The following KCNB2 variants were observed in gnomAD, a reference collection of about 807,000 sequenced individuals.
KCNB2 encodes delayed rectifier potassium channel protein.
KCNB2 carries 15 observed loss-of-function variants against 61.5 expected under a neutral mutation model. That is an observed-to-expected ratio of 0.24 (90% CI 0.16 to 0.38). The LOEUF (loss-of-function observed/expected upper bound fraction) is 0.38, where lower values mean the gene tolerates loss of function less well. Among genes scored for constraint, KCNB2 ranks in the 10% least tolerant of loss-of-function variants. The pLI is 1.00. For synonymous variants in KCNB2, 457 were observed against 446.0 expected (o/e 1.02, Z -0.31); for missense variants, 828 against 1,125.2 (o/e 0.74, Z 3.78).
At chr8:72,793,693 T>C (rs1433400577) in intron 2 of KCNB2, among the ~76,000 whole-genome samples, 2 of 152,226 alleles carry the variant, frequency 1.3e-5, no homozygotes, top group Non-Finnish European at 2.9e-5. Context: ...ATCTGAATGT[T>C]TTCTGCTACT....
chr8:72,778,399 G>T (rs1020118174), intron 2 of KCNB2, among the ~76,000 whole-genome samples: 1 of 151,930 alleles, frequency 6.6e-6, no homozygotes, highest in African/African-American at 2.4e-5. Flanking sequence ...TTTATTGGGG[G>T]AATATTAAAA....
chr8:72,660,854 A>G (rs1806368700), intron 2 of KCNB2: 1 of 152,198 alleles, frequency 6.6e-6, no homozygotes. Context: ...AATATAGTTC[A>G]GAAAGGAGCT....
chr8:72,584,734 C>T (rs1321482197), intron 2 of KCNB2, among the ~76,000 whole-genome samples: 4 of 152,052 alleles, frequency 2.6e-5, no homozygotes, highest in Non-Finnish European at 5.9e-5. Context: ...ATGAAAAAGG[C>T]ATGGTCTTAT....
intron 2 of KCNB2, among the ~76,000 whole-genome samples, chr8:72,833,183 GGA>G (rs1054474578): frequency 1.3e-5 from 2 of 152,164 alleles, no homozygotes; most frequent in Non-Finnish European, 2.9e-5. Context: ...ATCTAGAAAA[GGA>G]GAGATCAAGC....
chr8:72,648,948 C>T (rs1376575827), intron 2 of KCNB2, among the ~76,000 whole-genome samples: 1 of 151,884 alleles, frequency 6.6e-6, no homozygotes, highest in African/African-American at 2.4e-5. Flanking sequence ...TTGATATTGT[C>T]CTTTTACATT....
chr8:72,652,596 A>G (rs1388005038), intron 2 of KCNB2, among the ~76,000 whole-genome samples: 2 of 152,120 alleles, frequency 1.3e-5, no homozygotes, highest in Non-Finnish European at 2.9e-5. Flanking sequence ...ATCTGCCTTC[A>G]GCCTGTCTCT....
At chr8:72,711,701 TA>T (rs1354651105) in intron 2 of KCNB2, among the ~76,000 whole-genome samples, 3 of 152,068 alleles carry the variant, frequency 2.0e-5, no homozygotes, top group Non-Finnish European at 4.4e-5. Flanking sequence ...AAAAGTTAAT[TA>T]ACTTGGGACA....
At chr8:72,762,024 A>G (rs1438149117) in intron 2 of KCNB2, among the ~76,000 whole-genome samples, 1 of 152,182 alleles carries the variant, frequency 6.6e-6, no homozygotes, top group Admixed American at 6.5e-5. Context: ...TTAAACTGGC[A>G]TTACTTTTGG....
rs772680319 is a variant in KCNB2, at chr8:72,937,609, A to G, written c.2254A>G (p.Ile752Val). 2.5e-6 allele frequency: 4 copies of G among 1,613,808 alleles called. No homozygotes were observed. Among genetic ancestry groups the G allele is most frequent in the East Asian group, 2.2e-5 (1 of 44,860 alleles). ...ADFSLTTPQH[I>V]STILLEETPS... Reference sequence around the variant, plus strand: ...CTTTTCGCTCACTACCCCGCAGCACATCAGTACCATCCTCTTAGAAGAAAC... The same window carrying G: ...CTTTTCGCTCACTACCCCGCAGCACGTCAGTACCATCCTCTTAGAAGAAAC... Residue 752 changes from isoleucine to valine, a missense_variant, in exon 3 of 3, where the codon ATC (isoleucine) becomes GTC (valine). Coordinates refer to ENST00000523207, the MANE Select transcript of KCNB2 (RefSeq NM_004770.3).
At chr8:72,542,750 A>C (rs938690165) in intron 1 of KCNB2, among the ~76,000 whole-genome samples, 4 of 152,142 alleles carry the variant, frequency 2.6e-5, no homozygotes, top group Non-Finnish European at 4.4e-5. Flanking sequence ...AGAGTGATAG[A>C]GGCAAAGCAC....
intron 2 of KCNB2, among the ~76,000 whole-genome samples, chr8:72,647,305 ATT>A (rs1453186408): frequency 2.0e-5 from 3 of 152,120 alleles, no homozygotes; most frequent in African/African-American, 7.2e-5. Flanking sequence ...ATCCTGATGA[ATT>A]CCTGCTATTT....
At chr8:72,925,520 A>C (rs540899266) in intron 2 of KCNB2, among the ~76,000 whole-genome samples, 1 of 152,338 alleles carries the variant, frequency 6.6e-6, no homozygotes, top group South Asian at 2.1e-4. Context: ...TTAAAAGAGA[A>C]ATGTTTAAAC....
chr8:72,866,977 C>T (rs1805531058), intron 2 of KCNB2, among the ~76,000 whole-genome samples: 1 of 152,112 alleles, frequency 6.6e-6, no homozygotes, highest in Non-Finnish European at 1.5e-5. Context: ...GCACACTGTC[C>T]CAAAGGACTT....
At chr8:72,563,355 T>C (rs1206485215) in intron 1 of KCNB2, among the ~76,000 whole-genome samples, 1 of 152,182 alleles carries the variant, frequency 6.6e-6, no homozygotes, top group African/African-American at 2.4e-5. Flanking sequence ...GAGGGCAATG[T>C]GGAACTGAGG....
chr8:72,707,561 A>G (rs1002005790), intron 2 of KCNB2, among the ~76,000 whole-genome samples: 2 of 151,986 alleles, frequency 1.3e-5, no homozygotes, highest in Non-Finnish European at 2.9e-5. Context: ...GCCTGACCCC[A>G]CTCCCACAAA....
chr8:72,900,521 C>T (rs1293723747), intron 2 of KCNB2, among the ~76,000 whole-genome samples: 3 of 152,136 alleles, frequency 2.0e-5, no homozygotes, highest in African/African-American at 7.2e-5. Context: ...TAAAGAGCTT[C>T]AGCACAGCAA....
At chr8:72,718,759 CAT>C (rs1178392734) in intron 2 of KCNB2, among the ~76,000 whole-genome samples, 1 of 151,990 alleles carries the variant, frequency 6.6e-6, no homozygotes, top group Non-Finnish European at 1.5e-5. Flanking sequence ...CACATATATA[CAT>C]ATGTAACAAA....
chr8:72,863,448 T>C (rs1307894266), intron 2 of KCNB2, among the ~76,000 whole-genome samples: 1 of 152,186 alleles, frequency 6.6e-6, no homozygotes, highest in African/African-American at 2.4e-5. Flanking sequence ...CAGATTATTA[T>C]GCAAAAACCC....
chr8:72,627,793 T>C (rs1240637169), intron 2 of KCNB2, among the ~76,000 whole-genome samples: 1 of 152,240 alleles, frequency 6.6e-6, no homozygotes, highest in Non-Finnish European at 1.5e-5. Context: ...AACTGCAGCC[T>C]TTTGACACTC....
Sources: gnomAD v4.1 joint callset for allele counts (sites outside exome capture counted in the v4.1 genomes callset) on GRCh38, gnomAD v4.1.1 for gene constraint, MANE v1.5 for transcripts, NCBI Gene and HGNC (gene_info 2026-07-23, HGNC 2026-07-21) for gene names.